Variants in CERKL observed in about 807,000 individuals in gnomAD.
The protein encoded by CERKL is CERK like autophagy regulator.
Under a neutral mutation model 63.4 loss-of-function variants are expected in CERKL, and 61 were observed. That is an observed-to-expected ratio of 0.96 (90% CI 0.78 to 1.19). The LOEUF (loss-of-function observed/expected upper bound fraction) is 1.19. Ranked by LOEUF, CERKL falls within the 50% of genes most tolerant of loss-of-function variation. The pLI is 0.00. For synonymous variants in CERKL, 250 were observed against 230.5 expected (o/e 1.08, Z -0.77); for missense variants, 675 against 655.5 (o/e 1.03, Z -0.33).
chr2:181,578,231 CAT>C (rs1452911100), intron 2 of CERKL, among the ~76,000 whole-genome samples: 2 of 146,174 alleles, frequency 1.4e-5, no homozygotes, highest in African/African-American at 2.6e-5. Context: ...TACACACACA[CAT>C]ATATGTGTGT....
chr2:181,547,988 A>T, intron 8 of CERKL, 141 bp from the exon 9 acceptor site: 1 of 724,952 alleles, frequency 1.4e-6, no homozygotes, highest in East Asian at 3.0e-5. Flanking sequence ...TTAGATAGTA[A>T]GTAAAAACGT....
intron 1 of CERKL, among the ~76,000 whole-genome samples, chr2:181,611,659 T>C (rs773170412): frequency 7.2e-5 from 11 of 152,208 alleles, no homozygotes; most frequent in Non-Finnish European, 1.6e-4. Context: ...CACTCAAGCC[T>C]GGGCAACAGA....
At position 181,537,581 on chromosome 2, in the gene CERKL, T is replaced by C. The variant is rs146928073; in HGVS notation, c.*603A>G. 182 of 427,468 alleles carry C rather than the reference T, an allele frequency of 4.3e-4. No homozygotes were observed. Among genetic ancestry groups the C allele is most frequent in the African/African-American group, 3.5e-3 (171 of 48,596 alleles). 26.5% of individuals were successfully genotyped at this position (427,468 alleles called of 1,614,324 possible). On this transcript the variant is annotated 3_prime_UTR_variant, in exon 13 of 13. Transcript: ENST00000410087. The stretch of plus-strand genomic sequence containing the variant: ...TGAATCAAGGCAGACTTATGAAATC[T>C]GTATTATATTTGTAACAGAATATAG...
chr2:181,573,641 A>G, intron 3 of CERKL, 112 bp downstream of exon 3: 1 of 877,820 alleles, frequency 1.1e-6, no homozygotes, highest in Non-Finnish European at 1.8e-6. Context: ...AGACGTAAAA[A>G]TGCTATAGAT....
intron 4 of CERKL, among the ~76,000 whole-genome samples, chr2:181,559,067 A>G (rs1460408821): frequency 6.6e-6 from 1 of 152,232 alleles, no homozygotes; most frequent in Admixed American, 6.5e-5. Flanking sequence ...TCTGCAATTC[A>G]TTTAACTAAC....
At chr2:181,566,900 T>C (rs1688690617) in intron 3 of CERKL, among the ~76,000 whole-genome samples, 1 of 152,158 alleles carries the variant, frequency 6.6e-6, no homozygotes, top group South Asian at 2.1e-4. Flanking sequence ...CCATCAAAGA[T>C]TTCTGCTGAC....
rs183129886 is a variant in CERKL, at chr2:181,641,479, G to A, written c.238+15290C>T. 3.0e-3 allele frequency among the ~76,000 whole-genome samples: 458 copies of A among 151,746 alleles called. 4 individuals are homozygous for A. Among genetic ancestry groups the A allele is most frequent in the African/African-American group, 0.01 (434 of 41,418 alleles). On this transcript the variant is annotated intron_variant, in intron 1 of 12. Coordinates refer to ENST00000410087, the MANE Select transcript of CERKL (RefSeq NM_201548.5). ...ACTAGGATTACAGGTATGAGCTACC[G>A]TGGCCAGCCCACGAAATATGTTAAA...
chr2:181,638,913 C>G (rs1687300123), intron 1 of CERKL, among the ~76,000 whole-genome samples: 1 of 152,082 alleles, frequency 6.6e-6, no homozygotes. Flanking sequence ...TGATGGCCAT[C>G]CCAGTCTGAA....
chr2:181,631,416 C>G (rs1686950979), intron 1 of CERKL, among the ~76,000 whole-genome samples: 1 of 152,150 alleles, frequency 6.6e-6, no homozygotes, highest in African/African-American at 2.4e-5. Context: ...GAAACAGGCA[C>G]ACTGGAAAAG....
chr2:181,568,467 G>C (rs192220564), intron 3 of CERKL, among the ~76,000 whole-genome samples: 46 of 152,196 alleles, frequency 3.0e-4, no homozygotes, highest in Admixed American at 2.8e-3. Flanking sequence ...AGTTGTTTCT[G>C]TCTTTAAATT....
chr2:181,645,906 G>A (rs1687653713), intron 1 of CERKL, among the ~76,000 whole-genome samples: 1 of 152,280 alleles, frequency 6.6e-6, no homozygotes, highest in African/African-American at 2.4e-5. Flanking sequence ...TAATAGAAAG[G>A]ACAGAGATCA....
Position 181,537,739 on chromosome 2 carries a change from TAAA to T in CERKL, c.*442_*444del, listed in dbSNP as rs748981170. 1 of 440,804 alleles carries T rather than the reference TAAA, an allele frequency of 2.3e-6. No individual in the cohort carries two copies. Among genetic ancestry groups the T allele is most frequent in the African/African-American group, 2.0e-5 (1 of 49,314 alleles). 27.3% of individuals were successfully genotyped at this position (440,804 alleles called of 1,614,324 possible). A position where few individuals can be genotyped will look rare whatever the true frequency, so the allele number is the denominator to read the frequency against. On this transcript the variant is annotated 3_prime_UTR_variant, in exon 13 of 13. Transcript: ENST00000410087. ...TTTTGTGTGTCCAATAAACACATTG[TAAA>T]AAAAAGAATTTGAATTGATATCTAA...
chr2:181,615,827 C>G (rs1210317399), intron 1 of CERKL, among the ~76,000 whole-genome samples: 1 of 152,162 alleles, frequency 6.6e-6, no homozygotes, highest in African/African-American at 2.4e-5. Context: ...CTGTAGTTTA[C>G]TGAAAACCCA....
chr2:181,538,986 AAACT>A lies in CERKL; in HGVS notation c.1538+102_1538+105del, dbSNP rs971137989. Reference sequence around the variant, plus strand: ...CTTCCCTGATTTACTGATTTTTTAAAAACTAACCAACTGCCTGCTTTGATAGTTC... The same window carrying A: ...CTTCCCTGATTTACTGATTTTTTAAAAACCAACTGCCTGCTTTGATAGTTC... On this transcript the variant is annotated intron_variant, in intron 12 of 12. Transcript: ENST00000410087. 1.3e-4 allele frequency: 113 copies of A among 873,162 alleles called. No individual in the cohort carries two copies. The African/African-American group carries it at 1.4e-3, about 11-fold the overall frequency. The allele number at this position is 873,162 out of a possible 1,614,324, so 54.1% of individuals were successfully genotyped here. A position where few individuals can be genotyped will look rare whatever the true frequency, so the allele number is the denominator to read the frequency against.
intron 4 of CERKL, chr2:181,565,566 TTC>T: frequency 8.5e-7 from 1 of 1,175,354 alleles, no homozygotes; most frequent in Non-Finnish European, 1.3e-6. Flanking sequence ...TTAAAATTAT[TTC>T]TTATTGTTTC....
At chr2:181,627,463 G>C (rs1156530147) in intron 1 of CERKL, among the ~76,000 whole-genome samples, 1 of 152,154 alleles carries the variant, frequency 6.6e-6, no homozygotes. Flanking sequence ...TACTCTTGCT[G>C]TTCCTAGGGA....
intron 2 of CERKL, among the ~76,000 whole-genome samples, chr2:181,591,649 C>T (rs1684994859): frequency 6.6e-6 from 1 of 152,120 alleles, no homozygotes; most frequent in African/African-American, 2.4e-5. Flanking sequence ...GGGCACATGC[C>T]TTGTTGTTGG....
chr2:181,612,935 G>A (rs766413655), intron 1 of CERKL, among the ~76,000 whole-genome samples: 3 of 152,026 alleles, frequency 2.0e-5, no homozygotes, highest in Non-Finnish European at 2.9e-5. Context: ...TACCATACAC[G>A]TTTACAATGT....
intron 1 of CERKL, among the ~76,000 whole-genome samples, chr2:181,614,441 T>G (rs1229386669): frequency 6.6e-6 from 1 of 152,166 alleles, no homozygotes; most frequent in African/African-American, 2.4e-5. Flanking sequence ...AAAAATGGAC[T>G]TCTTATCTAT....
Sources: allele counts gnomAD v4.1 joint callset (sites outside exome capture counted in the v4.1 genomes callset), GRCh38; gene constraint gnomAD v4.1.1; transcripts MANE v1.5; gene names NCBI Gene and HGNC (gene_info 2026-07-23, HGNC 2026-07-21).